The following AHNAK2 variants were observed in gnomAD, a reference collection of about 807,000 sequenced individuals.
The protein encoded by AHNAK2 is protein AHNAK2.
AHNAK2 carries 18 observed loss-of-function variants against 30.7 expected under a neutral mutation model. That is an observed-to-expected ratio of 0.59 (90% CI 0.41 to 0.87). The LOEUF (loss-of-function observed/expected upper bound fraction) is 0.87, where lower values mean the gene tolerates loss of function less well. Ranked by LOEUF, AHNAK2 falls within the 40% of genes least tolerant of loss-of-function variation. The pLI, the probability that AHNAK2 is intolerant of heterozygous loss-of-function variation, is 0.00. For missense variants in AHNAK2, 8,604 were observed against 7,373.0 expected, an observed-to-expected ratio of 1.17 and a Z score of -6.11; for synonymous variants, 3,590 against 3,073.8, an observed-to-expected ratio of 1.17 and a Z score of -5.56.
Position 104,943,267 on chromosome 14 carries a change from G to A in AHNAK2, c.12184C>T (p.Pro4062Ser). Residue 4062 changes from proline to serine, a missense_variant, in exon 7 of 7, where the codon CCC (proline) becomes TCC (serine). Physicochemically the swap from Pro to Ser is moderately conservative, Grantham distance 74 (BLOSUM62 -1). Transcript: ENST00000333244. ...PKVQMPSFKM[P>S]KVDLKGPQID... ...TGGGGGCCCTTGAGGTCCACTTTGG[G>A]CATCTTGAAACTGGGCATCTGCACC... 2 of 1,612,968 alleles carry A rather than the reference G, an allele frequency of 1.2e-6. No homozygotes were observed. The highest frequency in any genetic ancestry group is 8.5e-7 in the Non-Finnish European group (1 of 1,179,546).
chr14:104,950,570 G>C lies in AHNAK2; in HGVS notation c.4881C>G (p.Asp1627Glu). ...VKMSLSSMEV[D>E]VQAPRAKLDG... ...CCAGCTTTGCTCTCGGGGCCTGGACGTCCACCTCCATGCTGGACAGAGACA... is the reference window on the plus strand; with the variant it reads ...CCAGCTTTGCTCTCGGGGCCTGGACCTCCACCTCCATGCTGGACAGAGACA... The change falls in exon 7 of 7, where the codon GAC (aspartate) becomes GAG (glutamate). Residue 1627 changes from aspartate (D) to glutamate (E), a missense_variant. Asp to Glu is a conservative substitution (Grantham distance 45). Coordinates refer to ENST00000333244, the MANE Select transcript of AHNAK2 (RefSeq NM_138420.4). The C allele has an allele frequency of 6.3e-7, 1 of 1,586,318 alleles. No individual in the cohort carries two copies. Among genetic ancestry groups the C allele is most frequent in the Non-Finnish European group, 8.6e-7 (1 of 1,162,708 alleles).
intron 3 of AHNAK2, among the ~76,000 whole-genome samples, chr14:104,957,113 T>G (rs58365272): frequency 0.024 from 3,662 of 152,276 alleles, 56 homozygotes; most frequent in Middle Eastern, 0.082. Context: ...GTTACACAGG[T>G]GCAGGGATGC....
rs753879484 is a variant in AHNAK2 at position 104,943,084 on chromosome 14, C to T, written c.12367G>A (p.Asp4123Asn). 4.1e-5 allele frequency: 66 copies of T among 1,612,770 alleles called. 1 individual carries two copies. The highest frequency in any genetic ancestry group is 6.7e-5 in the Admixed American group (4 of 59,912). The change falls in exon 7 of 7, where the codon GAC becomes AAC. Residue 4123 changes from aspartate to asparagine, a missense_variant. By Grantham distance (23) the Asp-to-Asn change is conservative. Transcript: ENST00000333244. Reference sequence around the variant, plus strand: ...CTGTCTTTGGCAGTCACATCCTTGTCGGCCAGGGACAGGTCCCCCTCCAGC... The same window carrying T: ...CTGTCTTTGGCAGTCACATCCTTGTTGGCCAGGGACAGGTCCCCCTCCAGC... ...VQLEGDLSLA[D>N]KDVTAKDSKF...
intron 1 of AHNAK2, among the ~76,000 whole-genome samples, chr14:104,976,525 G>C (rs1190251700): frequency 6.6e-6 from 1 of 152,194 alleles, no homozygotes; most frequent in Non-Finnish European, 1.5e-5. Flanking sequence ...CCGCAGGGTT[G>C]GGGAGGGTCT....
Position 104,948,948 on chromosome 14 carries a change from G to A in AHNAK2, c.6503C>T (p.Pro2168Leu), listed in dbSNP as rs751281218. The A allele has an allele frequency of 3.1e-5, 39 of 1,271,032 alleles. 3 individuals are homozygous for A. The highest frequency in any genetic ancestry group is 1.1e-4 in the East Asian group (5 of 44,194). The allele number at this position is 1,271,032 out of a possible 1,614,324, so 78.7% of individuals were successfully genotyped here. ...FKMPSFGVSA[P>L]GKSIEASVDV... ...CACCGAGGCCTCGATGGACTTGCCT[G>A]GGGCAGACACCCCAAACGACGGCAT... The change falls in exon 7 of 7, where the codon CCA (proline) becomes CTA (leucine). Residue 2168 changes from proline (P) to leucine (L), a missense_variant. Coordinates refer to ENST00000333244, the MANE Select transcript of AHNAK2 (RefSeq NM_138420.4).
Position 104,946,436 on chromosome 14 carries a change from C to G in AHNAK2, c.9015G>C (p.Ala3005=). The change falls in exon 7 of 7, where the codon GCG becomes GCC. Residue 3005 remains alanine, a synonymous_variant. Transcript: ENST00000333244. The part of the protein sequence containing the change: ...KSIEVSVDVS[A]PKVEAEVSLP... ...GGCTCACTTCGGCCTCCACCTTCGG[C>G]GCAGACACATCCACCGAGACCTCAA... The G allele has an allele frequency of 1.9e-6, 3 of 1,612,300 alleles. No individual in the cohort carries two copies. Among genetic ancestry groups the G allele is most frequent in the Non-Finnish European group, 1.7e-6 (2 of 1,179,488 alleles).
chr14:104,967,775 G>A (rs1899344161), intron 1 of AHNAK2, among the ~76,000 whole-genome samples: 1 of 152,220 alleles, frequency 6.6e-6, no homozygotes, highest in African/African-American at 2.4e-5. Flanking sequence ...GGGAAATCCT[G>A]CCCGCCTCGG....
At position 104,955,570 on chromosome 14, in the gene AHNAK2, T is replaced by C; in HGVS notation, c.379A>G (p.Ser127Gly). Residue 127 changes from serine to glycine, a missense_variant, in exon 5 of 7, where the codon AGT (serine) becomes GGT (glycine). Transcript: ENST00000333244. The stretch of plus-strand genomic sequence containing the variant: ...CCCTGGTCCCCACCACCTGTGACAC[T>C]GTAGCCACTGGCTCCTGCCTCCACC... ...TEVEAGASGY[S>G]VTGGGDQGIF... 1.9e-6 allele frequency: 3 copies of C among 1,613,704 alleles called. No homozygotes were observed. The highest frequency in any genetic ancestry group is 1.7e-4 in the Middle Eastern group (1 of 6,060).
In AHNAK2 at chr14:104,942,838, G is replaced by A; in HGVS notation, c.12613C>T (p.Pro4205Ser). 2 of 1,612,884 alleles carry A rather than the reference G, an allele frequency of 1.2e-6. No individual in the cohort carries two copies. The highest frequency in any genetic ancestry group is 1.7e-6 in the Non-Finnish European group (2 of 1,179,548). ...TTGAGGCCGGCTCCCTTGGGCAGGG[G>A]GCCCTCCGGGAGTTTCACGTCCACT... ...GQVDVKLPEG[P>S]LPKGAGLKGH... The change falls in exon 7 of 7, where the codon CCC becomes TCC. Residue 4205 changes from proline (P) to serine (S), a missense_variant. Pro to Ser is a moderately conservative substitution (Grantham distance 74, BLOSUM62 -1). Coordinates refer to ENST00000333244, the MANE Select transcript of AHNAK2 (RefSeq NM_138420.4).
chr14:104,943,868 C>G lies in AHNAK2; in HGVS notation c.11583G>C (p.Thr3861=). ...LSIQPHSADL[T]VQARQVDMKL... ...TCATGTCCACCTGGCGAGCTTGGAC[C>G]GTCAGGTCGGCAGAATGGGGCTGAA... Residue 3861 remains threonine (T), a synonymous_variant, in exon 7 of 7, where the codon ACG becomes ACC. Coordinates refer to ENST00000333244, the MANE Select transcript of AHNAK2 (RefSeq NM_138420.4). 1 of 1,612,942 alleles carries G rather than the reference C, an allele frequency of 6.2e-7. No homozygotes were observed. Among genetic ancestry groups the G allele is most frequent in the Non-Finnish European group, 8.5e-7 (1 of 1,179,536 alleles).
At chr14:104,955,290 G>A in intron 5 of AHNAK2, 149 bp from the exon 6 acceptor site, 2 of 1,261,412 alleles carry the variant, frequency 1.6e-6, no homozygotes, top group Non-Finnish European at 2.2e-6. Flanking sequence ...AGTGCCTCAG[G>A]CACAGGCAAG....
Position 104,940,924 on chromosome 14 carries a change from C to T in AHNAK2, c.14527G>A (p.Glu4843Lys). The part of the protein sequence containing the change: ...PPEGVPTSQA[E>K]SHSGPLNSMI... ...GAATTCAGTGGGCCAGAGTGACTCTCAGCTTGAGATGTTGGAACTCCCTCT... is the reference window on the plus strand; with the variant it reads ...GAATTCAGTGGGCCAGAGTGACTCTTAGCTTGAGATGTTGGAACTCCCTCT... Residue 4843 changes from glutamate (E) to lysine (K), a missense_variant, in exon 7 of 7, where the codon GAG becomes AAG. Physicochemically the swap from Glu to Lys is moderately conservative, Grantham distance 56 (BLOSUM62 1). Transcript: ENST00000333244. This position sits in a 1 kb window ranked among gnomAD's most constrained non-coding sequence, Gnocchi z 4.4. 3.7e-6 allele frequency: 6 copies of T among 1,612,634 alleles called. No individual in the cohort carries two copies. The highest frequency in any genetic ancestry group is 5.1e-6 in the Non-Finnish European group (6 of 1,179,610).
chr14:104,953,989 C>A lies in AHNAK2; in HGVS notation c.1462G>T (p.Asp488Tyr), dbSNP rs192363522. Residue 488 changes from aspartate to tyrosine, a missense_variant, in exon 7 of 7, where the codon GAT (aspartate) becomes TAT (tyrosine). Physicochemically the swap from Asp to Tyr is radical, Grantham distance 160. Coordinates refer to ENST00000333244, the MANE Select transcript of AHNAK2 (RefSeq NM_138420.4). ...AATGCAAATTTTGGTGTCTTTAAATCGTGTACTCGCACCCTAATTTCTGGT... is the reference window on the plus strand; with the variant it reads ...AATGCAAATTTTGGTGTCTTTAAATAGTGTACTCGCACCCTAATTTCTGGT... ...GPPEIRVRVH[D>Y]LKTPKFAFST... is the part of the protein sequence containing the mutation. 2 of 1,613,700 alleles carry A rather than the reference C, an allele frequency of 1.2e-6. No homozygotes were observed. Among genetic ancestry groups the A allele is most frequent in the African/African-American group, 1.3e-5 (1 of 74,934 alleles).
At position 104,948,541 on chromosome 14, in the gene AHNAK2, T is replaced by C. The variant is rs201870387; in HGVS notation, c.6910A>G (p.Met2304Val). Reference protein sequence around the residue: ...KLDGARLEGDMSLADKDVTAK... With the variant: ...KLDGARLEGDVSLADKDVTAK... ...GTCACGTCCTTGTCGGCCAGGGACATGTCCCCCTCCAGCCGCGCACCATCC... is the reference window on the plus strand; with the variant it reads ...GTCACGTCCTTGTCGGCCAGGGACACGTCCCCCTCCAGCCGCGCACCATCC... The change falls in exon 7 of 7, where the codon ATG (methionine) becomes GTG (valine). Residue 2304 changes from methionine (M) to valine (V), a missense_variant. Met to Val is a conservative substitution (Grantham distance 21). Coordinates refer to ENST00000333244, the MANE Select transcript of AHNAK2 (RefSeq NM_138420.4). 6 of 1,601,628 alleles carry C rather than the reference T, an allele frequency of 3.7e-6. No homozygotes were observed. Among genetic ancestry groups the C allele is most frequent in the African/African-American group, 1.4e-5 (1 of 71,916 alleles).
chr14:104,945,358 G>C lies in AHNAK2; in HGVS notation c.10093C>G (p.Leu3365Val), dbSNP rs1166277890. The stretch of plus-strand genomic sequence containing the variant: ...TCCACCTGGCCAGCCTGGACCTCCA[G>C]GTCCACAGAAGGGAGCTGAATGCTG... ...DLSIQLPSVD[L>V]EVQAGQVDVK... Residue 3365 changes from leucine (L) to valine (V), a missense_variant, in exon 7 of 7, where the codon CTG (leucine) becomes GTG (valine). Transcript: ENST00000333244. 4 of 1,612,532 alleles carry C rather than the reference G, an allele frequency of 2.5e-6. No homozygotes were observed. Among genetic ancestry groups the C allele is most frequent in the Non-Finnish European group, 2.5e-6 (3 of 1,179,548 alleles).
Position 104,944,145 on chromosome 14 carries a change from A to G in AHNAK2, c.11306T>C (p.Val3769Ala). 6.2e-7 allele frequency: 1 copy of G among 1,613,076 alleles called. No individual in the cohort carries two copies. The highest frequency in any genetic ancestry group is 1.3e-5 in the African/African-American group (1 of 74,756). ...APDVEVSLPSVEVDVQAPRAK... is the reference protein window; with the variant it reads ...APDVEVSLPSAEVDVQAPRAK... ...TCTTGGGGCCTGGACGTCCACCTCC[A>G]CGCTGGGCAGAGACACCTCCACATC... Residue 3769 changes from valine (V) to alanine (A), a missense_variant, in exon 7 of 7, where the codon GTG (valine) becomes GCG (alanine). Transcript: ENST00000333244.
Position 104,952,022 on chromosome 14 carries a change from C to G in AHNAK2, c.3429G>C (p.Ala1143=). 2 of 1,592,360 alleles carry G rather than the reference C, an allele frequency of 1.3e-6. No homozygotes were observed. The highest frequency in any genetic ancestry group is 1.1e-5 in the South Asian group (1 of 89,740). The part of the protein sequence containing the change: ...VEAPGAKLDS[A]RLEGELSLAD... Reference sequence around the variant, plus strand: ...CCAGGGACAGTTCCCCCTCCAGCCGCGCACTGTCCAGCTTGGCTCCCGGGG... The same window carrying G: ...CCAGGGACAGTTCCCCCTCCAGCCGGGCACTGTCCAGCTTGGCTCCCGGGG... The change falls in exon 7 of 7, where the codon GCG becomes GCC. Residue 1143 remains alanine, a synonymous_variant. Coordinates refer to ENST00000333244, the MANE Select transcript of AHNAK2 (RefSeq NM_138420.4).
At chr14:104,961,504 C>A (rs1044673731) in intron 1 of AHNAK2, among the ~76,000 whole-genome samples, 2 of 145,600 alleles carry the variant, frequency 1.4e-5, no homozygotes, top group African/African-American at 2.6e-5. Context: ...GACAGCGAGA[C>A]CCCATCTTAA....
rs948693311 is a variant in AHNAK2, at chr14:104,951,988, C to T, written c.3463G>A (p.Asp1155Asn). ...LEGELSLADKDVTAKDSRFKM... is the reference protein window; with the variant it reads ...LEGELSLADKNVTAKDSRFKM... ...AACCTGCTGTCTTTGGCAGTCACAT[C>T]CTTGTCGGCCAGGGACAGTTCCCCC... The change falls in exon 7 of 7, where the codon GAT (aspartate) becomes AAT (asparagine). Residue 1155 changes from aspartate (D) to asparagine (N), a missense_variant. Coordinates refer to ENST00000333244, the MANE Select transcript of AHNAK2 (RefSeq NM_138420.4). The T allele has an allele frequency of 3.1e-6, 5 of 1,612,310 alleles. No individual in the cohort carries two copies. In the African/African-American group the frequency reaches 6.7e-5, roughly 22 times the overall value.
Sources: gnomAD v4.1 joint callset for allele counts (sites outside exome capture counted in the v4.1 genomes callset) on GRCh38, gnomAD v4.1.1 for gene constraint, Gnocchi (gnomAD v3.1) non-coding constraint, MANE v1.5 for transcripts, NCBI Gene and HGNC (gene_info 2026-07-23, HGNC 2026-07-21) for gene names.